Variants in HSD17B2 observed in about 807,000 individuals in gnomAD.
The protein encoded by HSD17B2 is 17-beta-hydroxysteroid dehydrogenase type 2.
A neutral mutation model predicts 26.9 loss-of-function variants in HSD17B2; 32 were observed. The ratio of observed to expected loss-of-function variants is 1.19; its 90% CI spans 0.90 to 1.60. The LOEUF is 1.60. Ranked by LOEUF, HSD17B2 falls within the 40% of genes most tolerant of loss-of-function variation. The pLI is 0.00. For synonymous variants in HSD17B2, 246 were observed against 186.7 expected (o/e 1.32, Z -2.59); for missense variants, 613 against 468.6 (o/e 1.31, Z -2.85).
At position 82,085,587 on chromosome 16, in the gene HSD17B2, A is replaced by AC. The variant is rs397854961; in HGVS notation, c.665-5312dup. Reference sequence around the variant, plus strand: ...GACAAGGAGGGGCATAAAAAAAAAAACCCTAACTCTGTTCTGTTTAAATGG... The same window carrying AC: ...GACAAGGAGGGGCATAAAAAAAAAAACCCCTAACTCTGTTCTGTTTAAATGG... On this transcript the variant is annotated intron_variant, in intron 3 of 4. Transcript: ENST00000199936. Among the ~76,000 whole-genome samples, 3 of 151,868 alleles carry AC rather than the reference A, an allele frequency of 2.0e-5. No homozygotes were observed. In the East Asian group the frequency reaches 5.8e-4, roughly 29 times the overall value.
chr16:82,053,073 C>A (rs1233278160), intron 1 of HSD17B2, among the ~76,000 whole-genome samples: 2 of 152,194 alleles, frequency 1.3e-5, no homozygotes, highest in Non-Finnish European at 2.9e-5. Context: ...TCAATGCCAT[C>A]AACATATGAA....
Position 82,071,108 on chromosome 16 carries a change from G to C in HSD17B2, c.645G>C (p.Val215=). The change falls in exon 3 of 5, where the codon GTG becomes GTC. Residue 215 remains valine (V), a synonymous_variant. Transcript: ENST00000199936. ...TTAGAAAATCCAAAGGGAGGCTGGT[G>C]AATGTCAGCAGCATGGGAGGTGAGT... ...PLLRKSKGRL[V]NVSSMGGGAP... is the part of the protein sequence containing the mutation. 1 of 1,614,194 alleles carries C rather than the reference G, an allele frequency of 6.2e-7. No individual in the cohort carries two copies. The highest frequency in any genetic ancestry group is 8.5e-7 in the Non-Finnish European group (1 of 1,180,028).
intron 4 of HSD17B2, chr16:82,097,303 T>C (rs1047341346): frequency 4.0e-5 from 6 of 151,594 alleles, no homozygotes; most frequent in East Asian, 1.9e-4. Context: ...TATATATATA[T>C]ACACATATAT....
At chr16:82,066,859 C>T (rs147948516) in intron 1 of HSD17B2, among the ~76,000 whole-genome samples, 1 of 151,926 alleles carries the variant, frequency 6.6e-6, no homozygotes, top group Non-Finnish European at 1.5e-5. Context: ...TTTTGTGTAC[C>T]GTAATTTAGG....
At chr16:82,043,590 A>G (rs1232105349) in intron 1 of HSD17B2, among the ~76,000 whole-genome samples, 1 of 133,982 alleles carries the variant, frequency 7.5e-6, no homozygotes, top group Non-Finnish European at 1.5e-5. Context: ...AGGCTGAGGC[A>G]GGAGAATGGC....
At chr16:82,042,482 C>G (rs1258659569) in intron 1 of HSD17B2, among the ~76,000 whole-genome samples, 1 of 152,196 alleles carries the variant, frequency 6.6e-6, no homozygotes, top group Non-Finnish European at 1.5e-5. Context: ...CAGCTGCTTC[C>G]TATTTCCAGT....
chr16:82,080,904 T>G (rs578111010), intron 3 of HSD17B2, among the ~76,000 whole-genome samples: 14 of 152,200 alleles, frequency 9.2e-5, no homozygotes, highest in Admixed American at 3.3e-4. Flanking sequence ...CACTATTTAA[T>G]GCAAATTCCC....
intron 3 of HSD17B2, among the ~76,000 whole-genome samples, chr16:82,075,053 G>A (rs1239817420): frequency 6.6e-6 from 1 of 152,104 alleles, no homozygotes; most frequent in Non-Finnish European, 1.5e-5. Context: ...AGGAATTTTG[G>A]AAACTATATA....
intron 3 of HSD17B2, among the ~76,000 whole-genome samples, chr16:82,085,619 G>C (rs1904505156): frequency 6.6e-6 from 1 of 152,022 alleles, no homozygotes. Flanking sequence ...ATGGTAATCA[G>C]GAAGTGTTGG....
At chr16:82,036,196 C>G (rs1913619434) in intron 1 of HSD17B2, among the ~76,000 whole-genome samples, 1 of 152,112 alleles carries the variant, frequency 6.6e-6, no homozygotes, top group African/African-American at 2.4e-5. Context: ...TGGCTGCTGT[C>G]AAGAACCTTG....
At chr16:82,060,179 ATTGCCTAAGTC>A (rs1340567901) in intron 1 of HSD17B2, among the ~76,000 whole-genome samples, 1 of 152,204 alleles carries the variant, frequency 6.6e-6, no homozygotes, top group Non-Finnish European at 1.5e-5. Context: ...AATCTGATGG[ATTGCCTAAGTC>A]TTAAACTAAA....
At chr16:82,039,462 G>C (rs1202892031) in intron 1 of HSD17B2, among the ~76,000 whole-genome samples, 2 of 152,142 alleles carry the variant, frequency 1.3e-5, no homozygotes, top group Admixed American at 6.5e-5. Context: ...TTGACAAACA[G>C]AGAGAAGAAG....
intron 2 of HSD17B2, among the ~76,000 whole-genome samples, chr16:82,068,650 C>T (rs1382441128): frequency 1.3e-5 from 2 of 152,216 alleles, no homozygotes; most frequent in African/African-American, 4.8e-5. Flanking sequence ...AATAATTCCT[C>T]CAGCCCCAGC....
chr16:82,052,398 G>C (rs1459733278), intron 1 of HSD17B2: 2 of 152,212 alleles, frequency 1.3e-5, no homozygotes, highest in Non-Finnish European at 2.9e-5. Context: ...ATGGGCAGCT[G>C]TTCCTCCTTG....
chr16:82,085,191 C>A (rs570652483), intron 3 of HSD17B2, among the ~76,000 whole-genome samples: 54 of 152,310 alleles, frequency 3.5e-4, no homozygotes, highest in Middle Eastern at 3.4e-3. Context: ...GCTGAGCCAG[C>A]TGCCTTAAAA....
chr16:82,039,341 G>C (rs1567575593), intron 1 of HSD17B2, among the ~76,000 whole-genome samples: 1 of 151,780 alleles, frequency 6.6e-6, no homozygotes, highest in Non-Finnish European at 1.5e-5. Flanking sequence ...GAGAGAGAGA[G>C]AGAGAGAGAG....
Position 82,035,503 on chromosome 16 carries a change from T to C in HSD17B2, c.79T>C (p.Tyr27His), listed in dbSNP as rs1363858383. The change falls in exon 1 of 5, where the codon TAC becomes CAC. Residue 27 changes from tyrosine to histidine, a missense_variant. Transcript: ENST00000199936. ...TVLCGTVFCK[Y>H]KKSSGQLWSW... ...ACTATGTGGGACAGTATTTTGCAAA[T>C]ACAAGAAGAGCTCAGGGCAGCTGTG... is the stretch of plus-strand genomic sequence containing the variant. 1 of 1,613,954 alleles carries C rather than the reference T, an allele frequency of 6.2e-7. No individual in the cohort carries two copies. The highest frequency in any genetic ancestry group is 8.5e-7 in the Non-Finnish European group (1 of 1,180,012).
intron 1 of HSD17B2, among the ~76,000 whole-genome samples, chr16:82,058,250 T>C (rs559810353): frequency 2.0e-5 from 3 of 151,924 alleles, no homozygotes; most frequent in South Asian, 2.1e-4. Context: ...TTTAAATTAT[T>C]TGTAGAGGCA....
chr16:82,070,481 C>G (rs4398102), intron 2 of HSD17B2, among the ~76,000 whole-genome samples: 66,247 of 152,172 alleles, frequency 0.44, 17,743 homozygotes, highest in Non-Finnish European at 0.59. Flanking sequence ...TCTACAGTGC[C>G]ATCCATCTCC....
Sources: gnomAD v4.1 joint callset for allele counts (sites outside exome capture counted in the v4.1 genomes callset) on GRCh38, gnomAD v4.1.1 for gene constraint, MANE v1.5 for transcripts, NCBI Gene and HGNC (gene_info 2026-07-23, HGNC 2026-07-21) for gene names.